Variants in CHUK observed in about 807,000 individuals in gnomAD.
CHUK encodes inhibitor of nuclear factor kappa-B kinase subunit alpha.
Under a neutral mutation model 104.8 loss-of-function variants are expected in CHUK, and 35 were observed. The observed-to-expected ratio is 0.33, with a 90% CI of 0.26 to 0.44. The LOEUF is 0.44. Ranked by LOEUF, CHUK falls within the 20% of genes least tolerant of loss-of-function variation. The pLI, the probability that CHUK is intolerant of heterozygous loss-of-function variation, is 1.00. For missense variants in CHUK, 663 were observed against 902.7 expected, an observed-to-expected ratio of 0.73 and a Z score of 3.40; for synonymous variants, 276 against 291.9, an observed-to-expected ratio of 0.95 and a Z score of 0.56.
At position 100,194,129 on chromosome 10, in the gene CHUK, T is replaced by G; in HGVS notation, c.1829A>C (p.Lys610Thr). The stretch of plus-strand genomic sequence containing the variant: ...AATCTTCTGCTTACAGCCCAACAAC[T>G]TGCTGGAGAGATTAAATCAGTGTCA... ...VLKELFGHLS[K>T]LLGCKQKIID... Residue 610 changes from lysine (K) to threonine (T), a missense_variant and splice_region_variant, in exon 18 of 21, where the codon AAG (lysine) becomes ACG (threonine). By Grantham distance (78) the Lys-to-Thr change is moderately conservative (BLOSUM62 -1). Transcript: ENST00000370397. 6.2e-7 allele frequency: 1 copy of G among 1,613,340 alleles called. No homozygotes were observed. Among genetic ancestry groups the G allele is most frequent in the Admixed American group, 1.7e-5 (1 of 59,982 alleles).
intron 9 of CHUK, among the ~76,000 whole-genome samples, chr10:100,213,012 A>G (rs1200520515): frequency 6.6e-6 from 1 of 151,788 alleles, no homozygotes; most frequent in Non-Finnish European, 1.5e-5. Flanking sequence ...AAAAAAAAAA[A>G]AAAGAAAGAA....
intron 13 of CHUK, 37 bp downstream of exon 13, chr10:100,204,469 C>G (rs1245157645): frequency 6.3e-7 from 1 of 1,590,808 alleles, no homozygotes; most frequent in Non-Finnish European, 8.6e-7. Context: ...TTCAAGAAAC[C>G]AGATGCTCCT....
Position 100,222,342 on chromosome 10 carries a change from A to G in CHUK, c.316-161T>C, listed in dbSNP as rs1044716898. Among the ~76,000 whole-genome samples, 7 of 152,346 alleles carry G rather than the reference A, an allele frequency of 4.6e-5. No individual in the cohort carries two copies. In the South Asian group the frequency reaches 1.4e-3, roughly 32 times the overall value. On this transcript the variant is annotated intron_variant, in intron 3 of 20. Coordinates refer to ENST00000370397, the MANE Select transcript of CHUK (RefSeq NM_001278.5). ...TACCAAATCCATACTGAGGGCATGT[A>G]AATTTCATGATAAGGCTCATAAAAG...
chr10:100,218,276 GA>G, intron 8 of CHUK, 146 bp from the exon 9 acceptor site: 1 of 754,546 alleles, frequency 1.3e-6, no homozygotes, highest in South Asian at 1.7e-5. Context: ...TCAAATTCAT[GA>G]AATGACAGGG....
At chr10:100,201,844 C>T (rs931875552) in intron 14 of CHUK, among the ~76,000 whole-genome samples, 2 of 152,084 alleles carry the variant, frequency 1.3e-5, no homozygotes, top group Admixed American at 1.3e-4. Context: ...CAGAGTGAGA[C>T]CCTGTTTCAA....
rs1398306539 is a variant in CHUK, at chr10:100,189,571, G to C, written c.*27C>G. The C allele has an allele frequency of 1.7e-5, 27 of 1,593,586 alleles. No homozygotes were observed. The Middle Eastern group carries it at 6.6e-4, about 39-fold the overall frequency. On this transcript the variant is annotated 3_prime_UTR_variant, in exon 21 of 21. Coordinates refer to ENST00000370397, the MANE Select transcript of CHUK (RefSeq NM_001278.5). The stretch of plus-strand genomic sequence containing the variant: ...ACATGTATAGCAACAACTTCCATAG[G>C]TTTGGGGACAGTGAACAAGTGACAA...
chr10:100,222,133 G>T lies in CHUK; in HGVS notation c.364C>A (p.Leu122Ile). 1 of 1,582,998 alleles carries T rather than the reference G, an allele frequency of 6.3e-7. No individual in the cohort carries two copies. The part of the protein sequence containing the change: ...NCCGLKESQI[L>I]SLLSDIGSGI... ...GTACCTATATCACTTAGTAAAGAAA[G>T]TATCTGGCTTTCTTTAAGTCCACAA... The change falls in exon 4 of 21, where the codon CTT becomes ATT. Residue 122 changes from leucine (L) to isoleucine (I), a missense_variant. Around this residue, in one of 5 missense-constraint regions of CHUK, gnomAD observed 200 missense variants for 333.0 expected, o/e 0.60. Transcript: ENST00000370397.
chr10:100,189,661 G>A, intron 20 of CHUK, 34 bp from the exon 21 acceptor site: 1 of 1,555,158 alleles, frequency 6.4e-7, no homozygotes, highest in African/African-American at 1.4e-5. Flanking sequence ...ACAATTAGAT[G>A]TTGACTATAA....
At chr10:100,197,250 T>G (rs2134211269) in intron 16 of CHUK, among the ~76,000 whole-genome samples, 1 of 152,320 alleles carries the variant, frequency 6.6e-6, no homozygotes, top group East Asian at 1.9e-4. Flanking sequence ...AGTAGTATAA[T>G]CTTATGGGAC....
rs879269723 is a variant in CHUK, at chr10:100,191,042, C to A, written c.2109-74G>T. ...TGAATTTCCTCTACTTTCTAGTCTT[C>A]TAGGTTAGCAAGATCACTAGCCTTC... On this transcript the variant is annotated intron_variant, in intron 19 of 20. Coordinates refer to ENST00000370397, the MANE Select transcript of CHUK (RefSeq NM_001278.5). 3.3e-6 allele frequency: 3 copies of A among 914,958 alleles called. No individual in the cohort carries two copies. In the African/African-American group the frequency reaches 4.9e-5, roughly 15 times the overall value. The allele number at this position is 914,958 out of a possible 1,614,324, so 56.7% of individuals were successfully genotyped here.
intron 5 of CHUK, among the ~76,000 whole-genome samples, chr10:100,220,240 A>G (rs1398305874): frequency 1.3e-5 from 2 of 152,194 alleles, no homozygotes; most frequent in South Asian, 4.1e-4. Context: ...GAATAAAATA[A>G]TAAGTGTTAA....
In CHUK at chr10:100,201,040, C is replaced by T. The variant is rs541898426; in HGVS notation, c.1570-260G>A. Among the ~76,000 whole-genome samples the T allele has an allele frequency of 2.6e-3, 395 of 152,174 alleles. 1 individual carries two copies. Among genetic ancestry groups the T allele is most frequent in the African/African-American group, 9.3e-3 (386 of 41,510 alleles). On this transcript the variant is annotated intron_variant, in intron 14 of 20. Transcript: ENST00000370397. The stretch of plus-strand genomic sequence containing the variant: ...AACTACTAGTATTTGCTTTTACCTC[C>T]GGAGAAGCAAAAAGCTACAACAGGT...
At chr10:100,205,391 A>C (rs1259506625) in intron 11 of CHUK, among the ~76,000 whole-genome samples, 192 bp from the exon 12 acceptor site, 1 of 152,202 alleles carries the variant, frequency 6.6e-6, no homozygotes, top group African/African-American at 2.4e-5. Context: ...CACCTGCAAT[A>C]CTTAAGCCCC....
At chr10:100,223,952 A>G (rs1364011066) in intron 2 of CHUK, among the ~76,000 whole-genome samples, 1 of 152,156 alleles carries the variant, frequency 6.6e-6, no homozygotes, top group Non-Finnish European at 1.5e-5. Flanking sequence ...TAAGAGCTTA[A>G]CTCTCCTCCC....
intron 2 of CHUK, among the ~76,000 whole-genome samples, chr10:100,224,417 C>T (rs914033233): frequency 6.6e-6 from 1 of 152,244 alleles, no homozygotes; most frequent in Admixed American, 6.5e-5. Flanking sequence ...TATTTTAAGC[C>T]ACTAAATGTT....
At chr10:100,202,050 G>A (rs999333894) in intron 14 of CHUK, 38 bp downstream of exon 14, 14 of 1,435,360 alleles carry the variant, frequency 9.8e-6, no homozygotes, top group Non-Finnish European at 1.4e-5. Flanking sequence ...GAGACATCAA[G>A]AATTAATAAG....
intron 14 of CHUK, 45 bp downstream of exon 14, chr10:100,202,043 A>G (rs2134217806): frequency 7.5e-7 from 1 of 1,330,358 alleles, no homozygotes; most frequent in East Asian, 2.3e-5. Context: ...TCTAATGGAG[A>G]CATCAAGAAT....
At chr10:100,217,866 G>T in intron 9 of CHUK, 129 bp downstream of exon 9, 1 of 999,412 alleles carries the variant, frequency 1.0e-6, no homozygotes, top group Non-Finnish European at 1.5e-6. Flanking sequence ...GACAGAGTGA[G>T]ACCCTGTCTC....
At chr10:100,210,091 A>ATTTTTTTT (rs11436816) in intron 9 of CHUK, among the ~76,000 whole-genome samples, 2 of 121,790 alleles carry the variant, frequency 1.6e-5, no homozygotes, top group African/African-American at 3.0e-5. Context: ...TTATTTATTT[A>ATTTTTTTT]TTTTTTTTTT....
Sources: gnomAD v4.1 joint callset for allele counts (sites outside exome capture counted in the v4.1 genomes callset) on GRCh38, gnomAD v4.1.1 for gene constraint, gnomAD v4.1.1 regional missense constraint, MANE v1.5 for transcripts, NCBI Gene and HGNC (gene_info 2026-07-23, HGNC 2026-07-21) for gene names.